FST: variants seen among roughly 807,000 people sequenced by gnomAD.
The protein encoded by FST is activin-binding protein.
Under a neutral mutation model 38.4 loss-of-function variants are expected in FST, and 6 were observed. The ratio of observed to expected loss-of-function variants is 0.16; its 90% confidence interval spans 0.09 to 0.31. The LOEUF (loss-of-function observed/expected upper bound fraction) is 0.31, where lower values mean the gene tolerates loss of function less well. Among genes scored for constraint, FST ranks in the 10% least tolerant of loss-of-function variants. FST has a pLI of 1.00. For missense variants in FST, 301 were observed against 432.3 expected (o/e 0.70, Z 2.69); for synonymous variants, 157 against 169.8 (o/e 0.92, Z 0.59).
chr5:53,486,071 G>GAAA lies in FST; in HGVS notation c.*38_*39insAAA. On this transcript the variant is annotated 3_prime_UTR_variant, in exon 6 of 6. Coordinates refer to ENST00000256759, the MANE Select transcript of FST (RefSeq NM_013409.3). ...TGTTCAGTGTTGACATAGCCTTTGT[G>GAAA]CAAAAAAAAAAAAAAAAAAAAAGAA... 2.3e-5 allele frequency: 7 copies of GAAA among 301,246 alleles called. No individual in the cohort carries two copies. In the South Asian group the frequency reaches 3.3e-4, roughly 14 times the overall value. The allele number at this position is 301,246 out of a possible 1,614,324, so 18.7% of individuals were successfully genotyped here. A position where few individuals can be genotyped will look rare whatever the true frequency, so the allele number is the denominator to read the frequency against.
rs1376488665 is a variant in FST at position 53,484,428 on chromosome 5, G to A, written c.721+135G>A. ...AGAAATACGCTGCAATTTGGGGAAA[G>A]TGTTGTGACCACAGTATTCCTCATG... On this transcript the variant is annotated intron_variant, in intron 4 of 5. Transcript: ENST00000256759. 2.2e-5 allele frequency: 19 copies of A among 868,652 alleles called. 1 individual carries two copies. Among genetic ancestry groups the A allele is most frequent in the Non-Finnish European group, 2.6e-5 (15 of 573,914 alleles). The allele number at this position is 868,652 out of a possible 1,614,324, so 53.8% of individuals were successfully genotyped here. A position where few individuals can be genotyped will look rare whatever the true frequency, so the allele number is the denominator to read the frequency against.
Position 53,483,386 on chromosome 5 carries a change from G to T in FST, c.278-118G>T. On this transcript the variant is annotated intron_variant, in intron 2 of 5. Transcript: ENST00000256759. This position sits in a 1 kb window ranked among gnomAD's most constrained non-coding sequence, Gnocchi z 4.1. ...CTCCCAATATTCCAGGAGAGAGCCTGGGGCCCCTCCAGCGCAAACTCAGGG... is the reference window on the plus strand; with the variant it reads ...CTCCCAATATTCCAGGAGAGAGCCTTGGGCCCCTCCAGCGCAAACTCAGGG... The T allele has an allele frequency of 1.3e-6, 1 of 760,584 alleles. No individual in the cohort carries two copies. The highest frequency in any genetic ancestry group is 1.7e-5 in the African/African-American group (1 of 57,378). The allele number at this position is 760,584 out of a possible 1,614,324, so 47.1% of individuals were successfully genotyped here.
chr5:53,481,559 C>T (rs1177357266), intron 1 of FST, among the ~76,000 whole-genome samples: 2 of 149,672 alleles, frequency 1.3e-5, no homozygotes, highest in African/African-American at 4.9e-5. Context: ...TTCTTTCTGA[C>T]CCTTAGCTTT....
chr5:53,485,279 C>G (rs546774877), intron 5 of FST, 52 bp downstream of exon 5: 2 of 956,580 alleles, frequency 2.1e-6, no homozygotes, highest in East Asian at 2.4e-5. Flanking sequence ...CAGGCAATCC[C>G]TAGGGAATGG....
chr5:53,482,790 CCGGG>C, intron 1 of FST, 86 bp from the exon 2 acceptor site: 1 of 707,314 alleles, frequency 1.4e-6, no homozygotes, highest in Non-Finnish European at 2.4e-6. Flanking sequence ...CCCATCCCCG[CCGGG>C]TCTCCTTCGC....
At chr5:53,481,446 C>G in intron 1 of FST, among the ~76,000 whole-genome samples, 1 of 120,346 alleles carries the variant, frequency 8.3e-6, no homozygotes, top group East Asian at 2.4e-4. Flanking sequence ...TCTTCCAACC[C>G]CATCCCCCAT....
At position 53,483,216 on chromosome 5, in the gene FST, G is replaced by A. The variant is rs140106390; in HGVS notation, c.277+145G>A. The A allele has an allele frequency of 1.5e-6, 1 of 652,804 alleles. No homozygotes were observed. Among genetic ancestry groups the A allele is most frequent in the Non-Finnish European group, 2.7e-6 (1 of 370,124 alleles). The allele number at this position is 652,804 out of a possible 1,614,324, so 40.4% of individuals were successfully genotyped here. ...GTCCCTTGCCCTGGTAAGCCGTGCAGACTCTAATTCTGCCTGTTACAGGCT... is the reference window on the plus strand; with the variant it reads ...GTCCCTTGCCCTGGTAAGCCGTGCAAACTCTAATTCTGCCTGTTACAGGCT... On this transcript the variant is annotated intron_variant, in intron 2 of 5. Transcript: ENST00000256759. This position sits in a 1 kb window ranked among gnomAD's most constrained non-coding sequence, Gnocchi z 4.1.
intron 1 of FST, 32 bp downstream of exon 1, chr5:53,480,908 G>A: frequency 7.8e-7 from 1 of 1,283,532 alleles, no homozygotes; most frequent in Non-Finnish European, 1.1e-6. Context: ...GGGGAGGCTT[G>A]GCTGAGGACA....
intron 1 of FST, among the ~76,000 whole-genome samples, chr5:53,482,291 TTTCTTTCTTTCTC>T (rs1215619337): frequency 6.6e-6 from 1 of 151,836 alleles, no homozygotes; most frequent in Admixed American, 6.6e-5. Flanking sequence ...TTCTCTTTCT[TTTCTTTCTTTCTC>T]TTCTTTCTTT....
chr5:53,483,780 A>G lies in FST; in HGVS notation c.496+58A>G. ...TGTCCCCTCCTCCAGCTTTGTACCT[A>G]AAGTAGACCCTCTAGAAGACCCTTG... On this transcript the variant is annotated intron_variant, in intron 3 of 5. Transcript: ENST00000256759. This position sits in a 1 kb window ranked among gnomAD's most constrained non-coding sequence, Gnocchi z 4.1. 7.8e-7 allele frequency: 1 copy of G among 1,287,384 alleles called. No individual in the cohort carries two copies. Among genetic ancestry groups the G allele is most frequent in the South Asian group, 1.2e-5 (1 of 80,446 alleles). The allele number at this position is 1,287,384 out of a possible 1,614,324, so 79.7% of individuals were successfully genotyped here.
At chr5:53,482,090 G>T (rs1292066587) in intron 1 of FST, among the ~76,000 whole-genome samples, 1 of 152,216 alleles carries the variant, frequency 6.6e-6, no homozygotes, top group Non-Finnish European at 1.5e-5. Context: ...GGCGTGCTCC[G>T]GTCTGGCGGA....
In FST at chr5:53,483,571, C is replaced by T. The variant is rs1409451383; in HGVS notation, c.345C>T (p.Arg115=). 1 of 1,614,050 alleles carries T rather than the reference C, an allele frequency of 6.2e-7. No individual in the cohort carries two copies. The highest frequency in any genetic ancestry group is 8.5e-7 in the Non-Finnish European group (1 of 1,179,988). ...KCRMNKKNKP[R]CVCAPDCSNI... The stretch of plus-strand genomic sequence containing the variant: ...GAATGAACAAGAAGAACAAACCCCG[C>T]TGCGTCTGCGCCCCGGATTGTTCCA... The change falls in exon 3 of 6, where the codon CGC becomes CGT. Residue 115 remains arginine, a synonymous_variant. Transcript: ENST00000256759. This position sits in a 1 kb window ranked among gnomAD's most constrained non-coding sequence, Gnocchi z 4.1.
intron 1 of FST, among the ~76,000 whole-genome samples, chr5:53,482,238 T>TCTTTCTTCCTCTCTCTCTTTCTTTC (rs1747267100): frequency 6.6e-6 from 1 of 152,136 alleles, no homozygotes; most frequent in Admixed American, 6.5e-5. Flanking sequence ...CTCTTTCTTT[T>TCTTTCTTCCTCTCTCTCTTTCTTTC]CTTTCTTCCT....
chr5:53,482,743 G>T, intron 1 of FST, 137 bp from the exon 2 acceptor site: 1 of 542,266 alleles, frequency 1.8e-6, no homozygotes, highest in Non-Finnish European at 3.3e-6. Flanking sequence ...TTTCTCCCGC[G>T]TCTCTCTCAC....
At chr5:53,482,456 G>C (rs142545758) in intron 1 of FST, among the ~76,000 whole-genome samples, 2 of 151,696 alleles carry the variant, frequency 1.3e-5, no homozygotes, top group East Asian at 3.9e-4. Context: ...AAAAACATCC[G>C]TCGCATCCTG....
chr5:53,483,296 C>G lies in FST; in HGVS notation c.278-208C>G, dbSNP rs1474968012. 6.6e-6 allele frequency among the ~76,000 whole-genome samples: 1 copy of G among 152,202 alleles called. No homozygotes were observed. Among genetic ancestry groups the G allele is most frequent in the Non-Finnish European group, 1.5e-5 (1 of 68,038 alleles). On this transcript the variant is annotated intron_variant, in intron 2 of 5. Coordinates refer to ENST00000256759, the MANE Select transcript of FST (RefSeq NM_013409.3). The surrounding 1 kb of genome is among the most constrained non-coding windows in gnomAD (Gnocchi z 4.1). ...AAGTGTGGTGGTGAAACCCACCAAC[C>G]TGTGCTCCTTAATGAGAGAGATCTG...
intron 1 of FST, 48 bp downstream of exon 1, chr5:53,480,924 G>A (rs368785888): frequency 5.5e-5 from 61 of 1,107,196 alleles, no homozygotes; most frequent in African/African-American, 4.7e-4. Context: ...GGACAGGGGG[G>A]TCGACTTTTC....
At chr5:53,482,723 A>G in intron 1 of FST, 157 bp from the exon 2 acceptor site, 1 of 535,290 alleles carries the variant, frequency 1.9e-6, no homozygotes, top group Non-Finnish European at 3.4e-6. Flanking sequence ...CTTTCGATTT[A>G]TTTCCTACTT....
chr5:53,485,600 C>G (rs558300194), intron 5 of FST: 1 of 828,794 alleles, frequency 1.2e-6, no homozygotes, highest in African/African-American at 1.7e-5. Flanking sequence ...TGGGCTGCTG[C>G]TTTTTGCAGT....
Sources: allele counts gnomAD v4.1 joint callset (sites outside exome capture counted in the v4.1 genomes callset), GRCh38; gene constraint gnomAD v4.1.1; non-coding constraint Gnocchi (gnomAD v3.1); transcripts MANE v1.5; gene names NCBI Gene and HGNC (gene_info 2026-07-23, HGNC 2026-07-21).